TNRC6A: variants seen among roughly 807,000 people sequenced by gnomAD.
The protein encoded by TNRC6A is trinucleotide repeat containing adaptor 6A.
A neutral mutation model predicts 221.2 loss-of-function variants in TNRC6A; 44 were observed. The ratio of observed to expected loss-of-function variants is 0.20; its 90% CI spans 0.16 to 0.26. The LOEUF (loss-of-function observed/expected upper bound fraction) is 0.26, where lower values mean the gene tolerates loss of function less well. Among genes scored for constraint, TNRC6A ranks in the 10% least tolerant of loss-of-function variants. The probability of loss-of-function intolerance (pLI) is 1.00; values close to 1 mark genes in which losing one functional copy is unlikely to be tolerated. For missense variants in TNRC6A, 2,199 were observed against 2,404.4 expected (o/e 0.91, Z 1.79); for synonymous variants, 847 against 838.5 (o/e 1.01, Z -0.18).
intron 2 of TNRC6A, among the ~76,000 whole-genome samples, chr16:24,746,916 C>G (rs1319917761): frequency 1.3e-5 from 2 of 152,148 alleles, no homozygotes; most frequent in Admixed American, 6.5e-5. Flanking sequence ...ACTATGTTGC[C>G]CATTCTGTTC....
At position 24,791,759 on chromosome 16, in the gene TNRC6A, A is replaced by G; in HGVS notation, c.3117A>G (p.Val1039=). ...GNSRSDQQAQ[V]HQLLTPASAI... is the part of the protein sequence containing the mutation. The stretch of plus-strand genomic sequence containing the variant: ...GCCGTTCAGACCAGCAAGCACAGGT[A>G]CATCAGCTGCTAACGCCTGCAAGTG... The change falls in exon 6 of 25, where the codon GTA becomes GTG. Residue 1039 remains valine, a synonymous_variant. Coordinates refer to ENST00000395799, the MANE Select transcript of TNRC6A (RefSeq NM_014494.4). 1 of 1,600,504 alleles carries G rather than the reference A, an allele frequency of 6.2e-7. No individual in the cohort carries two copies. Among genetic ancestry groups the G allele is most frequent in the Non-Finnish European group, 8.5e-7 (1 of 1,175,420 alleles).
At chr16:24,692,631 A>G (rs2055779146) in intron 2 of TNRC6A, among the ~76,000 whole-genome samples, 1 of 151,786 alleles carries the variant, frequency 6.6e-6, no homozygotes, top group African/African-American at 2.4e-5. Context: ...AAGTAAAGTA[A>G]AATAAAATAG....
chr16:24,729,301 ATTTTTTTTTTT>A (rs60592267), upstream of TNRC6A, among the ~76,000 whole-genome samples: 1 of 94,616 alleles, frequency 1.1e-5, no homozygotes, highest in Non-Finnish European at 2.0e-5. Context: ...GTTTTAGGCA[ATTTTTTTTTTT>A]TTTTTTTTTG....
intron 2 of TNRC6A, among the ~76,000 whole-genome samples, chr16:24,669,091 G>A (rs2055235310): frequency 6.6e-6 from 1 of 151,984 alleles, no homozygotes; most frequent in Admixed American, 6.6e-5. Context: ...TCAATTTAAA[G>A]AGAAATAAAG....
intron 1 of TNRC6A, among the ~76,000 whole-genome samples, chr16:24,610,731 G>A (rs1900007807): frequency 1.3e-5 from 2 of 151,920 alleles, no homozygotes; most frequent in South Asian, 4.2e-4. Flanking sequence ...ATCTTATTCC[G>A]AGCCTCTCCT....
chr16:24,805,820 A>G (rs985576294), intron 15 of TNRC6A, 87 bp downstream of exon 15: 2 of 1,532,950 alleles, frequency 1.3e-6, no homozygotes, highest in African/African-American at 1.4e-5. Context: ...GACATAGTGC[A>G]CTAAACAAAA....
In TNRC6A at chr16:24,766,259, A is replaced by G. The variant is rs557323227; in HGVS notation, c.163+7899A>G. On this transcript the variant is annotated intron_variant, in intron 4 of 24. Transcript: ENST00000395799. Reference sequence around the variant, plus strand: ...GAGCATGAATAGCTTTCTGAACTGCATTTGCCTCATCTGTAAAATGGGAAT... The same window carrying G: ...GAGCATGAATAGCTTTCTGAACTGCGTTTGCCTCATCTGTAAAATGGGAAT... Among the ~76,000 whole-genome samples, 8 of 152,332 alleles carry G rather than the reference A, an allele frequency of 5.3e-5. No individual in the cohort carries two copies. The South Asian group carries it at 1.7e-3, about 32-fold the overall frequency.
chr16:24,698,451 G>A (rs953387810), intron 2 of TNRC6A, among the ~76,000 whole-genome samples: 6 of 152,110 alleles, frequency 3.9e-5, no homozygotes, highest in South Asian at 2.1e-4. Flanking sequence ...CAGGAAGACC[G>A]GTGTGTGGTG....
At chr16:24,670,413 G>T (rs183123256) in intron 2 of TNRC6A, among the ~76,000 whole-genome samples, 14 of 152,190 alleles carry the variant, frequency 9.2e-5, no homozygotes, top group Non-Finnish European at 1.8e-4. Flanking sequence ...AACCCTTCCC[G>T]CAAGGGTCTC....
At chr16:24,647,198 C>G (rs1902340714) in intron 2 of TNRC6A, among the ~76,000 whole-genome samples, 1 of 152,188 alleles carries the variant, frequency 6.6e-6, no homozygotes, top group East Asian at 1.9e-4. Flanking sequence ...TCCCAAAGTG[C>G]TGGGATTACA....
At chr16:24,629,291 T>C (rs939000282) in intron 1 of TNRC6A, among the ~76,000 whole-genome samples, 3 of 152,188 alleles carry the variant, frequency 2.0e-5, no homozygotes, top group Admixed American at 6.6e-5. Flanking sequence ...TCCTAAGTGC[T>C]TCAAACATCT....
intron 2 of TNRC6A, among the ~76,000 whole-genome samples, chr16:24,745,866 A>G (rs1490055868): frequency 7.2e-6 from 1 of 139,356 alleles, no homozygotes; most frequent in Non-Finnish European, 1.5e-5. Context: ...TGCTTTTTTC[A>G]CTGCCACCAT....
At chr16:24,697,284 T>C in intron 2 of TNRC6A, among the ~76,000 whole-genome samples, 1 of 152,346 alleles carries the variant, frequency 6.6e-6, no homozygotes, top group East Asian at 1.9e-4. Flanking sequence ...TCTTTTGATA[T>C]CTTTCTGTCT....
chr16:24,799,380 C>T (rs1038956038), intron 11 of TNRC6A, among the ~76,000 whole-genome samples: 1 of 152,178 alleles, frequency 6.6e-6, no homozygotes, highest in Non-Finnish European at 1.5e-5. Context: ...TTGTCCGGTA[C>T]AATGGCAACG....
intron 2 of TNRC6A, among the ~76,000 whole-genome samples, chr16:24,705,534 G>T (rs1268386534): frequency 6.6e-6 from 1 of 152,158 alleles, no homozygotes; most frequent in African/African-American, 2.4e-5. Context: ...GTTTCGCCAT[G>T]TTGGCCAGGC....
intron 4 of TNRC6A, among the ~76,000 whole-genome samples, chr16:24,772,652 A>G (rs1412212344): frequency 6.6e-6 from 1 of 152,118 alleles, no homozygotes; most frequent in Non-Finnish European, 1.5e-5. Context: ...GGCTGGTGGC[A>G]CACACCTGTA....
intron 7 of TNRC6A, among the ~76,000 whole-genome samples, chr16:24,793,864 CTATT>C (rs1171047762): frequency 6.6e-6 from 1 of 152,078 alleles, no homozygotes; most frequent in Non-Finnish European, 1.5e-5. Flanking sequence ...AGAACTGTAA[CTATT>C]CATTTGCATA....
intron 11 of TNRC6A, among the ~76,000 whole-genome samples, chr16:24,803,006 G>A (rs1327245037): frequency 6.6e-6 from 1 of 152,198 alleles, no homozygotes; most frequent in Non-Finnish European, 1.5e-5. Flanking sequence ...AGAATGAGGA[G>A]AGGAGCAGAC....
Position 24,791,197 on chromosome 16 carries a change from C to T in TNRC6A, c.2555C>T (p.Ser852Phe), listed in dbSNP as rs2058092687. Residue 852 changes from serine to phenylalanine, a missense_variant, in exon 6 of 25, where the codon TCT becomes TTT. Coordinates refer to ENST00000395799, the MANE Select transcript of TNRC6A (RefSeq NM_014494.4). ...GQKSSQGWSV[S>F]ASDNWGETSR... ...AAATCAAGCCAAGGGTGGTCTGTTT[C>T]TGCCAGTGATAACTGGGGAGAAACT... is the stretch of plus-strand genomic sequence containing the variant. 10 of 1,614,004 alleles carry T rather than the reference C, an allele frequency of 6.2e-6. No homozygotes were observed. The highest frequency in any genetic ancestry group is 1.3e-5 in the African/African-American group (1 of 74,898).
Sources: gnomAD v4.1 joint callset for allele counts (sites outside exome capture counted in the v4.1 genomes callset) on GRCh38, gnomAD v4.1.1 for gene constraint, MANE v1.5 for transcripts, NCBI Gene and HGNC (gene_info 2026-07-23, HGNC 2026-07-21) for gene names.